SLC52A3: variants seen among roughly 807,000 people sequenced by gnomAD.
SLC52A3 encodes solute carrier family 52 member 3.
A neutral mutation model predicts 29.5 loss-of-function variants in SLC52A3; 20 were observed. That is an observed-to-expected ratio of 0.68 (90% CI 0.48 to 0.99). The LOEUF (loss-of-function observed/expected upper bound fraction) is 0.99, where lower values mean the gene tolerates loss of function less well. Ranked by LOEUF, SLC52A3 falls within the 50% of genes least tolerant of loss-of-function variation. The pLI is 0.00. For missense variants in SLC52A3, 548 were observed against 612.9 expected, an observed-to-expected ratio of 0.89 and a Z score of 1.12; for synonymous variants, 301 against 271.0, an observed-to-expected ratio of 1.11 and a Z score of -1.09.
chr20:776,856 T>G (rs1163914858), upstream of SLC52A3, among the ~76,000 whole-genome samples: 255 of 127,234 alleles, frequency 2.0e-3, no homozygotes, highest in African/African-American at 6.1e-3. Flanking sequence ...GAATCGCTTT[T>G]GGGGGGGGGG....
upstream of SLC52A3, among the ~76,000 whole-genome samples, chr20:772,541 C>G: frequency 6.6e-6 from 1 of 150,938 alleles, no homozygotes; most frequent in South Asian, 2.1e-4. Context: ...GGCTGGTGTT[C>G]GGAATGTGTT....
upstream of SLC52A3, among the ~76,000 whole-genome samples, chr20:772,790 G>A (rs1469131740): frequency 6.6e-6 from 1 of 152,186 alleles, no homozygotes; most frequent in African/African-American, 2.4e-5. Flanking sequence ...CAAGGACTCC[G>A]GAGGAAAGCA....
At position 764,203 on chromosome 20, in the gene SLC52A3, A is replaced by G. The variant is rs6133374; in HGVS notation, c.568-200T>C. 0.83 allele frequency among the ~76,000 whole-genome samples: 126,386 copies of G among 152,204 alleles called. 53,388 individuals are homozygous for G. The highest frequency in any genetic ancestry group is 0.92 in the East Asian group (4,769 of 5,184). ...GGGCACTGTGCATGGATAAGCCCCT[A>G]TGCCTCCTAACAGGGCTGCACAGTG... is the stretch of plus-strand genomic sequence containing the variant. On this transcript the variant is annotated intron_variant, in intron 2 of 4. Transcript: ENST00000645534.
At chr20:766,398 A>G (rs1390816258) in intron 1 of SLC52A3, 1 of 154,038 alleles carries the variant, frequency 6.5e-6, no homozygotes, top group African/African-American at 2.4e-5. Flanking sequence ...CATTTGCCAC[A>G]TAAATCACAG....
Position 761,987 on chromosome 20 carries a change from A to G in SLC52A3, c.1074-163T>C, listed in dbSNP as rs873970. The stretch of plus-strand genomic sequence containing the variant: ...AAGTGGGTCAGGGAGGCTCCTGAGC[A>G]GGCAGGGCTGGCCTGAGTCATCCCC... On this transcript the variant is annotated intron_variant, in intron 3 of 4. Transcript: ENST00000645534. 0.56 allele frequency among the ~76,000 whole-genome samples: 84,862 copies of G among 152,070 alleles called. 24,383 individuals carry two copies. The highest frequency in any genetic ancestry group is 0.7 in the South Asian group (3,382 of 4,824).
At chr20:773,092 G>T (rs1047086674), upstream of SLC52A3, among the ~76,000 whole-genome samples, 3 of 152,224 alleles carry the variant, frequency 2.0e-5, no homozygotes, top group Admixed American at 6.5e-5. Context: ...AGCTCCGTGA[G>T]TGGGCAGAAG....
chr20:776,961 C>T (rs1381691131), upstream of SLC52A3, among the ~76,000 whole-genome samples: 1 of 151,408 alleles, frequency 6.6e-6, no homozygotes, highest in Non-Finnish European at 1.5e-5. Context: ...GATGGCGGGG[C>T]GTGGTGGGTC....
rs1431667086 is a variant in SLC52A3, at chr20:761,791, A to G, written c.1107T>C (p.Leu369=). Residue 369 remains leucine (L), a synonymous_variant, in exon 4 of 5, where the codon CTT becomes CTC. Coordinates refer to ENST00000645534, the MANE Select transcript of SLC52A3 (RefSeq NM_033409.4). ...TGTTGTAGCCCCCAAAGCAGGTCCCAAGCACGGAGAGGACCCCCAGGAACA... is the reference window on the plus strand; with the variant it reads ...TGTTGTAGCCCCCAAAGCAGGTCCCGAGCACGGAGAGGACCCCCAGGAACA... ...SLLFLGVLSV[L]GTCFGGYNMA... is the part of the protein sequence containing the mutation. 1.2e-6 allele frequency: 2 copies of G among 1,614,100 alleles called. No individual in the cohort carries two copies. The highest frequency in any genetic ancestry group is 3.3e-5 in the Admixed American group (2 of 60,008).
Position 765,918 on chromosome 20 carries a change from C to T in SLC52A3, c.-51-93G>A. On this transcript the variant is annotated intron_variant, in intron 1 of 4. Coordinates refer to ENST00000645534, the MANE Select transcript of SLC52A3 (RefSeq NM_033409.4). The surrounding 1 kb of genome is among the most constrained non-coding windows in gnomAD (Gnocchi z 6.6). Reference sequence around the variant, plus strand: ...CCCAGAGTTTTCTCTTATTACTCCCCTTCCTGTGAACAAGCTGGCTTTTTT... The same window carrying T: ...CCCAGAGTTTTCTCTTATTACTCCCTTTCCTGTGAACAAGCTGGCTTTTTT... The T allele has an allele frequency of 1.3e-6, 1 of 746,404 alleles. No homozygotes were observed. The allele number at this position is 746,404 out of a possible 1,614,324, so 46.2% of individuals were successfully genotyped here. A position where few individuals can be genotyped will look rare whatever the true frequency, so the allele number is the denominator to read the frequency against.
In SLC52A3 at chr20:765,005, T is replaced by G. The variant is rs1422000929; in HGVS notation, c.567+203A>C. Among the ~76,000 whole-genome samples, 4 of 152,206 alleles carry G rather than the reference T, an allele frequency of 2.6e-5. No homozygotes were observed. The highest frequency in any genetic ancestry group is 9.6e-5 in the African/African-American group (4 of 41,452). ...ATAGAAGCTGAAATCATCTGGCCCT[T>G]TTTTGAGTCTCATATTTTTTGGGGA... is the stretch of plus-strand genomic sequence containing the variant. On this transcript the variant is annotated intron_variant, in intron 2 of 4. Transcript: ENST00000645534. The surrounding 1 kb of genome is among the most constrained non-coding windows in gnomAD (Gnocchi z 6.6).
In SLC52A3 at chr20:765,127, G is replaced by A. The variant is rs1599958919; in HGVS notation, c.567+81C>T. On this transcript the variant is annotated intron_variant, in intron 2 of 4. Transcript: ENST00000645534. This position sits in a 1 kb window ranked among gnomAD's most constrained non-coding sequence, Gnocchi z 6.6. ...CATAGGCCGACCAAAGAACCTAGAAGGATGGAGGTGAGCAGTTTTTCCCTC... is the reference window on the plus strand; with the variant it reads ...CATAGGCCGACCAAAGAACCTAGAAAGATGGAGGTGAGCAGTTTTTCCCTC... 8 of 1,492,948 alleles carry A rather than the reference G, an allele frequency of 5.4e-6. No individual in the cohort carries two copies. The highest frequency in any genetic ancestry group is 7.4e-6 in the Non-Finnish European group (8 of 1,074,176). 92.5% of individuals were successfully genotyped at this position (1,492,948 alleles called of 1,614,324 possible).
At position 763,880 on chromosome 20, in the gene SLC52A3, T is replaced by C; in HGVS notation, c.691A>G (p.Met231Val). 1 of 1,614,040 alleles carries C rather than the reference T, an allele frequency of 6.2e-7. No homozygotes were observed. Among genetic ancestry groups the C allele is most frequent in the South Asian group, 1.1e-5 (1 of 91,082 alleles). ...AAGAACGCCACGAGGCAGCAGGCCATCATGATGGATAGGAGGAGGAAGAAG... is the reference window on the plus strand; with the variant it reads ...AAGAACGCCACGAGGCAGCAGGCCACCATGATGGATAGGAGGAGGAAGAAG... Reference protein sequence around the residue: ...LVFFLLLSIMMACCLVAFFVL... With the variant: ...LVFFLLLSIMVACCLVAFFVL... The change falls in exon 3 of 5, where the codon ATG becomes GTG. Residue 231 changes from methionine to valine, a missense_variant. Coordinates refer to ENST00000645534, the MANE Select transcript of SLC52A3 (RefSeq NM_033409.4).
At chr20:769,766 G>A (rs563423344), upstream of SLC52A3, among the ~76,000 whole-genome samples, 30 of 152,148 alleles carry the variant, frequency 2.0e-4, no homozygotes, top group South Asian at 1.7e-3. Context: ...GCATGGTGGC[G>A]CACACCTGTA....
chr20:763,669 G>A lies in SLC52A3; in HGVS notation c.902C>T (p.Ala301Val). Residue 301 changes from alanine to valine, a missense_variant, in exon 3 of 5, where the codon GCC becomes GTC. Around this residue, in one of 2 missense-constraint regions of SLC52A3, gnomAD observed 375 missense variants for 471.1 expected, o/e 0.80. Transcript: ENST00000645534. ...KAAPCCPAHL[A>V]FIYTLVAFVN... ...GAAGGCCACCAGGGTATAGATGAAG[G>A]CCAGGTGCGCCGGGCAGCAGGGGGC... The A allele has an allele frequency of 6.2e-7, 1 of 1,614,136 alleles. No homozygotes were observed. The highest frequency in any genetic ancestry group is 8.5e-7 in the Non-Finnish European group (1 of 1,180,016).
In SLC52A3 at chr20:766,000, T is replaced by G; in HGVS notation, c.-51-175A>C. On this transcript the variant is annotated intron_variant, in intron 1 of 4. Transcript: ENST00000645534. The surrounding 1 kb of genome is among the most constrained non-coding windows in gnomAD (Gnocchi z 6.6). ...TAGTCCAGGCTGGAGTGCAATGGGA[T>G]GATCTCGGCTCAGTGACCCTCTGCC... 1 of 567,882 alleles carries G rather than the reference T, an allele frequency of 1.8e-6. No homozygotes were observed. Among genetic ancestry groups the G allele is most frequent in the Non-Finnish European group, 3.1e-6 (1 of 318,270 alleles). The allele number at this position is 567,882 out of a possible 1,614,324, so 35.2% of individuals were successfully genotyped here. A position where few individuals can be genotyped will look rare whatever the true frequency, so the allele number is the denominator to read the frequency against.
upstream of SLC52A3, among the ~76,000 whole-genome samples, chr20:776,350 G>A (rs1987028806): frequency 2.0e-5 from 3 of 152,188 alleles, no homozygotes; most frequent in South Asian, 2.1e-4. Context: ...TGTGGAAAGC[G>A]GGGATAATAA....
At chr20:778,556 C>T (rs1458717385), upstream of SLC52A3, among the ~76,000 whole-genome samples, 2 of 151,986 alleles carry the variant, frequency 1.3e-5, no homozygotes, top group African/African-American at 4.8e-5. Flanking sequence ...ATTCATAGCC[C>T]AGCCAAAGAA....
chr20:763,203 G>T (rs1406534262), intron 3 of SLC52A3, among the ~76,000 whole-genome samples: 1 of 152,248 alleles, frequency 6.6e-6, no homozygotes, highest in African/African-American at 2.4e-5. Context: ...GACCTGCCAC[G>T]TGCCAGGCAC....
intron 1 of SLC52A3, chr20:766,429 G>A (rs1986687503): frequency 6.5e-6 from 1 of 153,276 alleles, no homozygotes; most frequent in African/African-American, 2.4e-5. Context: ...CATCTTCCTT[G>A]TCAGGCCTCT....
Sources: allele counts gnomAD v4.1 joint callset (sites outside exome capture counted in the v4.1 genomes callset), GRCh38; gene constraint gnomAD v4.1.1; regional missense constraint gnomAD v4.1.1; non-coding constraint Gnocchi (gnomAD v3.1); transcripts MANE v1.5; gene names NCBI Gene and HGNC (gene_info 2026-07-23, HGNC 2026-07-21).